Variants in DOCK4 observed in about 807,000 individuals in gnomAD.
DOCK4 encodes dedicator of cytokinesis protein 4.
DOCK4 carries 97 observed loss-of-function variants against 268.1 expected under a neutral mutation model. That is an observed-to-expected ratio of 0.36 (90% CI 0.31 to 0.43). DOCK4 has a LOEUF of 0.43. DOCK4 is among the 20% of genes least tolerant of loss of function. The probability of loss-of-function intolerance (pLI) is 1.00; values close to 1 mark genes in which losing one functional copy is unlikely to be tolerated. For synonymous variants in DOCK4, 954 were observed against 887.2 expected, an observed-to-expected ratio of 1.08 and a Z score of -1.34; for missense variants, 2,145 against 2,455.7, an observed-to-expected ratio of 0.87 and a Z score of 2.67.
intron 1 of DOCK4, among the ~76,000 whole-genome samples, chr7:112,083,379 G>A (rs1375594000): frequency 1.3e-5 from 2 of 151,802 alleles, no homozygotes; most frequent in Non-Finnish European, 2.9e-5. Flanking sequence ...ATAGATATAA[G>A]ATTAGAATAT....
chr7:111,751,779 G>A (rs1796672946), intron 42 of DOCK4, among the ~76,000 whole-genome samples: 1 of 151,668 alleles, frequency 6.6e-6, no homozygotes, highest in South Asian at 2.1e-4. Flanking sequence ...TAAAAAAGAG[G>A]GTTGAGACTG....
At chr7:111,969,253 C>G (rs1797495631) in intron 8 of DOCK4, among the ~76,000 whole-genome samples, 1 of 149,204 alleles carries the variant, frequency 6.7e-6, no homozygotes, top group African/African-American at 2.5e-5. Context: ...CAAATAATGA[C>G]TGAAAAAAAA....
At chr7:111,975,362 T>C (rs1798085723) in intron 8 of DOCK4, among the ~76,000 whole-genome samples, 1 of 152,186 alleles carries the variant, frequency 6.6e-6, no homozygotes, top group Non-Finnish European at 1.5e-5. Flanking sequence ...TTATAAAGCA[T>C]ATTAAAGAGA....
intron 8 of DOCK4, among the ~76,000 whole-genome samples, chr7:111,950,948 G>A (rs1474677188): frequency 6.6e-6 from 1 of 152,170 alleles, no homozygotes; most frequent in Non-Finnish European, 1.5e-5. Context: ...TGAGAAATGA[G>A]AGTTGGTATT....
intron 6 of DOCK4, among the ~76,000 whole-genome samples, chr7:111,986,954 T>C (rs1799101737): frequency 6.6e-6 from 1 of 152,210 alleles, no homozygotes; most frequent in Non-Finnish European, 1.5e-5. Context: ...TTTCATCTGG[T>C]TTAATAGGCA....
At chr7:112,017,560 C>T (rs1231549051) in intron 1 of DOCK4, among the ~76,000 whole-genome samples, 1 of 152,156 alleles carries the variant, frequency 6.6e-6, no homozygotes, top group African/African-American at 2.4e-5. Flanking sequence ...CTCCACCTGA[C>T]CTAGAAAACC....
intron 8 of DOCK4, among the ~76,000 whole-genome samples, chr7:111,957,241 G>A (rs565074582): frequency 9.9e-5 from 15 of 152,082 alleles, no homozygotes; most frequent in Non-Finnish European, 1.9e-4. Flanking sequence ...CCATACAAAG[G>A]GCTGATACAG....
At chr7:111,959,928 C>G (rs1796732502) in intron 8 of DOCK4, among the ~76,000 whole-genome samples, 1 of 152,226 alleles carries the variant, frequency 6.6e-6, no homozygotes, top group Non-Finnish European at 1.5e-5. Flanking sequence ...GATGCACTAG[C>G]AATTTCAGAC....
chr7:112,093,061 G>A (rs1809782751), intron 1 of DOCK4, among the ~76,000 whole-genome samples: 1 of 152,136 alleles, frequency 6.6e-6, no homozygotes, highest in Non-Finnish European at 1.5e-5. Context: ...GGCATGTGGA[G>A]ATAATTATAT....
At chr7:112,139,513 G>C (rs534429178) in intron 1 of DOCK4, among the ~76,000 whole-genome samples, 1 of 152,134 alleles carries the variant, frequency 6.6e-6, no homozygotes, top group African/African-American at 2.4e-5. Context: ...CAATATCCAA[G>C]AATAACCTTA....
chr7:111,788,696 C>G lies in DOCK4; in HGVS notation c.3367G>C (p.Gly1123Arg). The change falls in exon 32 of 53, where the codon GGT becomes CGT. Residue 1123 changes from glycine to arginine, a missense_variant. Physicochemically the swap from Gly to Arg is moderately radical, Grantham distance 125. This residue lies in a region of DOCK4 where 1,598 missense variants were observed against 1,986.7 expected (regional missense o/e 0.80). Transcript: ENST00000428084. ...AAGAGCTCGCGGTATGTTTCGTCAC[C>G]TTTGCCTTCTGACATCAGGCTATCC... ...KLDSLMSEGK[G>R]DETYRELFNS... 6.3e-7 allele frequency: 1 copy of G among 1,593,302 alleles called. No homozygotes were observed. Among genetic ancestry groups the G allele is most frequent in the Non-Finnish European group, 8.6e-7 (1 of 1,168,558 alleles).
chr7:112,203,266 C>T (rs1446907469), intron 1 of DOCK4, among the ~76,000 whole-genome samples: 1 of 152,204 alleles, frequency 6.6e-6, no homozygotes, highest in Non-Finnish European at 1.5e-5. Flanking sequence ...AGACAAGGTT[C>T]CCTGTTCCTC....
intron 6 of DOCK4, among the ~76,000 whole-genome samples, chr7:111,984,642 T>C (rs1170104871): frequency 6.6e-6 from 1 of 152,162 alleles, no homozygotes; most frequent in Non-Finnish European, 1.5e-5. Flanking sequence ...AGTGGAGTGC[T>C]CCTGCCACTG....
At chr7:111,779,827 A>C (rs1165837150) in intron 35 of DOCK4, among the ~76,000 whole-genome samples, 1 of 152,262 alleles carries the variant, frequency 6.6e-6, no homozygotes, top group Non-Finnish European at 1.5e-5. Context: ...GGATTCTAGT[A>C]AAAGCATAAT....
In DOCK4 at chr7:111,728,307, G is replaced by C; in HGVS notation, c.5895C>G (p.Pro1965=). The change falls in exon 53 of 53, where the codon CCC becomes CCG. Residue 1965 remains proline, a synonymous_variant. Coordinates refer to ENST00000428084, the MANE Select transcript of DOCK4 (RefSeq NM_001363540.2). ...GAGAGACCTTGCGGGGCAGGGGCCTGGGCCGCGGGCCGGGGTCAGTCCTCC... is the reference window on the plus strand; with the variant it reads ...GAGAGACCTTGCGGGGCAGGGGCCTCGGCCGCGGGCCGGGGTCAGTCCTCC... ...GARRTDPGPR[P]RPLPRKVSQL is the part of the protein sequence containing the mutation. 1 of 1,509,802 alleles carries C rather than the reference G, an allele frequency of 6.6e-7. No homozygotes were observed. The highest frequency in any genetic ancestry group is 8.8e-7 in the Non-Finnish European group (1 of 1,130,230). The allele number at this position is 1,509,802 out of a possible 1,614,324, so 93.5% of individuals were successfully genotyped here. A position where few individuals can be genotyped will look rare whatever the true frequency, so the allele number is the denominator to read the frequency against.
intron 11 of DOCK4, among the ~76,000 whole-genome samples, chr7:111,938,528 T>C (rs1794921869): frequency 6.6e-6 from 1 of 152,134 alleles, no homozygotes; most frequent in Non-Finnish European, 1.5e-5. Context: ...GATGTTGCTG[T>C]ATATTAGGCC....
chr7:111,756,416 C>G (rs1043773603), intron 41 of DOCK4, among the ~76,000 whole-genome samples: 2 of 152,080 alleles, frequency 1.3e-5, no homozygotes, highest in East Asian at 3.9e-4. Context: ...AAAAGCTACA[C>G]TACCGATAGA....
chr7:112,087,800 T>G (rs1388415527), intron 1 of DOCK4, among the ~76,000 whole-genome samples: 2 of 152,058 alleles, frequency 1.3e-5, no homozygotes, highest in Non-Finnish European at 2.9e-5. Context: ...ATATTAACAT[T>G]GTATTGGGAC....
At chr7:111,914,023 G>A (rs2134515589) in intron 13 of DOCK4, among the ~76,000 whole-genome samples, 1 of 152,204 alleles carries the variant, frequency 6.6e-6, no homozygotes, top group Admixed American at 6.5e-5. Flanking sequence ...GGGGATGTGG[G>A]CCTAGAATCA....
Sources: allele counts gnomAD v4.1 joint callset (sites outside exome capture counted in the v4.1 genomes callset), GRCh38; gene constraint gnomAD v4.1.1; regional missense constraint gnomAD v4.1.1; transcripts MANE v1.5; gene names NCBI Gene and HGNC (gene_info 2026-07-23, HGNC 2026-07-21).